The following MYLK4 variants were observed in gnomAD, a reference collection of about 807,000 sequenced individuals.
MYLK4 encodes the protein myosin light chain kinase family member 4, also known as caMLCK like.
A neutral mutation model predicts 48.1 loss-of-function variants in MYLK4; 46 were observed. The observed-to-expected ratio is 0.96, with a 90% CI of 0.75 to 1.22. The LOEUF is 1.22. MYLK4 is among the 50% of genes most tolerant of loss of function. The pLI is 0.00. For synonymous variants in MYLK4, 170 were observed against 180.8 expected (o/e 0.94, Z 0.48); for missense variants, 451 against 486.1 (o/e 0.93, Z 0.68).
At chr6:2,699,282 C>CTTTTTTT (rs1762184790) in intron 2 of MYLK4, among the ~76,000 whole-genome samples, 3 of 63,576 alleles carry the variant, frequency 4.7e-5, no homozygotes, top group African/African-American at 1.8e-4. Context: ...CTTTTCTTTT[C>CTTTTTTT]TTTTCTTTTT....
At chr6:2,766,342 C>G in the MYLK4 span, 1 of 1,610,660 alleles carries the variant, frequency 6.2e-7, no homozygotes, top group South Asian at 1.1e-5. Flanking sequence ...AGGATTACTT[C>G]GGGCAGAGCA....
At chr6:2,717,870 T>C (rs990732197) in intron 2 of MYLK4, among the ~76,000 whole-genome samples, 1 of 152,128 alleles carries the variant, frequency 6.6e-6, no homozygotes, top group African/African-American at 2.4e-5. Context: ...AGAATCATTG[T>C]GTGAGAGATA....
intron 7 of MYLK4, among the ~76,000 whole-genome samples, chr6:2,682,796 C>T (rs76742581): frequency 0.011 from 1,670 of 152,202 alleles, 36 homozygotes; most frequent in African/African-American, 0.038. Context: ...ATTTCCTTAA[C>T]GCAGGCAAGT....
intron 4 of MYLK4, among the ~76,000 whole-genome samples, chr6:2,686,884 C>T (rs958736560): frequency 1.3e-5 from 2 of 152,200 alleles, no homozygotes; most frequent in African/African-American, 4.8e-5. Flanking sequence ...TGGTTTCTCC[C>T]CTTCACTAGC....
At chr6:2,762,224 C>T in the MYLK4 span, among the ~76,000 whole-genome samples, 2 of 152,186 alleles carry the variant, frequency 1.3e-5, no homozygotes, top group South Asian at 2.1e-4. Flanking sequence ...AATTTTTACT[C>T]CCATAGTACA....
the MYLK4 span, among the ~76,000 whole-genome samples, chr6:2,763,031 C>T: frequency 6.6e-6 from 1 of 152,214 alleles, no homozygotes; most frequent in Non-Finnish European, 1.5e-5. Context: ...ATCGCCAGCT[C>T]TAGCAGCCTG....
At chr6:2,762,535 CTG>C in the MYLK4 span, among the ~76,000 whole-genome samples, 1 of 152,168 alleles carries the variant, frequency 6.6e-6, no homozygotes, top group Non-Finnish European at 1.5e-5. Context: ...AATCAGTGTA[CTG>C]TATTTCCACA....
upstream of MYLK4, among the ~76,000 whole-genome samples, chr6:2,755,432 A>T (rs1764407017): frequency 6.6e-6 from 1 of 152,226 alleles, no homozygotes; most frequent in African/African-American, 2.4e-5. Flanking sequence ...TTGAGAAAAA[A>T]GACACTTTCT....
At chr6:2,765,905 G>T in the MYLK4 span, 1 of 1,454,240 alleles carries the variant, frequency 6.9e-7, no homozygotes. Context: ...CAGCGAGGGC[G>T]AGGGTGAGGA....
At chr6:2,740,884 A>T (rs1042875325) in intron 2 of MYLK4, among the ~76,000 whole-genome samples, 3 of 152,230 alleles carry the variant, frequency 2.0e-5, no homozygotes, top group African/African-American at 7.2e-5. Context: ...GCCAAATACC[A>T]CAGGGCAAAG....
At chr6:2,719,392 C>A (rs1762987961) in intron 2 of MYLK4, among the ~76,000 whole-genome samples, 1 of 152,174 alleles carries the variant, frequency 6.6e-6, no homozygotes, top group African/African-American at 2.4e-5. Context: ...ACACAAACAT[C>A]TCATGTTTTA....
At chr6:2,690,823 C>CTTTTTTTTTTTTTTTTTTTTTT (rs35133716) in intron 3 of MYLK4, among the ~76,000 whole-genome samples, 1 of 88,834 alleles carries the variant, frequency 1.1e-5, no homozygotes, top group Non-Finnish European at 2.1e-5. Flanking sequence ...CTCTCTGAAT[C>CTTTTTTTTTTTTTTTTTTTTTT]TTTTTTTTTT....
intron 2 of MYLK4, among the ~76,000 whole-genome samples, chr6:2,693,633 G>A (rs1488748010): frequency 6.6e-6 from 1 of 151,992 alleles, no homozygotes; most frequent in African/African-American, 2.4e-5. Flanking sequence ...GACATTGTGT[G>A]GATGTCCAAA....
the MYLK4 span, chr6:2,766,350 G>A: frequency 6.2e-7 from 1 of 1,610,506 alleles, no homozygotes; most frequent in East Asian, 2.2e-5. Context: ...TTCGGGCAGA[G>A]CAAGGCCGTG....
intron 11 of MYLK4, among the ~76,000 whole-genome samples, chr6:2,674,211 A>G (rs6915242): frequency 0.021 from 3,141 of 152,344 alleles, 115 homozygotes; most frequent in African/African-American, 0.072. Context: ...TATTACAGAG[A>G]GTGGGCTAGG....
chr6:2,736,406 C>A (rs1426741251), intron 2 of MYLK4, among the ~76,000 whole-genome samples: 1 of 152,244 alleles, frequency 6.6e-6, no homozygotes, highest in Admixed American at 6.5e-5. Context: ...AGGCACCTGC[C>A]ACCACACCCA....
the MYLK4 span, among the ~76,000 whole-genome samples, chr6:2,760,189 A>C: frequency 6.6e-6 from 1 of 152,266 alleles, no homozygotes; most frequent in Non-Finnish European, 1.5e-5. Flanking sequence ...ATAACTACTT[A>C]TATAGCATTT....
At chr6:2,682,731 G>T (rs777707213) in intron 7 of MYLK4, among the ~76,000 whole-genome samples, 2 of 152,202 alleles carry the variant, frequency 1.3e-5, no homozygotes, top group African/African-American at 2.4e-5. Context: ...GGATACCGCT[G>T]TGGTGGTGGT....
chr6:2,705,288 C>A (rs1359599604), intron 2 of MYLK4, among the ~76,000 whole-genome samples: 1 of 152,228 alleles, frequency 6.6e-6, no homozygotes, highest in Non-Finnish European at 1.5e-5. Flanking sequence ...AATCGTTCTA[C>A]TGAGGACTTT....
Sources: gnomAD v4.1 joint callset for allele counts (sites outside exome capture counted in the v4.1 genomes callset) on GRCh38, gnomAD v4.1.1 for gene constraint, MANE v1.5 for transcripts, NCBI Gene and HGNC (gene_info 2026-07-23, HGNC 2026-07-21) for gene names.